Variants in KLHL3 observed in about 807,000 individuals in gnomAD.
KLHL3 encodes the protein kelch-like protein 3.
In KLHL3, 19 loss-of-function variants were observed where a neutral mutation model predicts 70.5. That is an observed-to-expected ratio of 0.27 (90% CI 0.19 to 0.40). KLHL3 has a LOEUF of 0.40. Ranked by LOEUF, KLHL3 falls within the 10% of genes least tolerant of loss-of-function variation. The pLI, the probability that KLHL3 is intolerant of heterozygous loss-of-function variation, is 1.00. For synonymous variants in KLHL3, 258 were observed against 290.3 expected (o/e 0.89, Z 1.13); for missense variants, 512 against 771.1 (o/e 0.66, Z 3.98).
chr5:137,677,523 T>C, intron 6 of KLHL3, 22 bp downstream of exon 6: 1 of 1,425,094 alleles, frequency 7.0e-7, no homozygotes. Flanking sequence ...GGTTCCCGTT[T>C]CCCCAGTGAG....
chr5:137,707,438 A>C (rs982423883), intron 3 of KLHL3: 2 of 152,254 alleles, frequency 1.3e-5, no homozygotes, highest in Non-Finnish European at 2.9e-5. Context: ...GTCTCAAAAA[A>C]AAAAGACTAT....
chr5:137,638,916 C>T (rs1443137773), intron 10 of KLHL3, 37 bp downstream of exon 10: 3 of 1,591,564 alleles, frequency 1.9e-6, no homozygotes, highest in Admixed American at 1.7e-5. Flanking sequence ...GGATGTGTCC[C>T]AGGCTAGGAG....
chr5:137,697,875 C>A (rs1752481926), intron 4 of KLHL3, among the ~76,000 whole-genome samples: 1 of 152,206 alleles, frequency 6.6e-6, no homozygotes, highest in South Asian at 2.1e-4. Context: ...TCATTTTATG[C>A]CAAATTACTT....
intron 8 of KLHL3, among the ~76,000 whole-genome samples, chr5:137,655,571 G>T (rs1331149395): frequency 1.3e-5 from 2 of 151,944 alleles, no homozygotes; most frequent in East Asian, 3.8e-4. Context: ...TAAAAACTGG[G>T]GCTTTTTTGG....
intron 5 of KLHL3, among the ~76,000 whole-genome samples, chr5:137,686,926 T>C (rs1580761023): frequency 1.2e-4 from 1 of 8,022 alleles, no homozygotes; most frequent in African/African-American, 5.5e-4. Context: ...TACTGGGAAG[T>C]GAGGAGCCCC....
At chr5:137,693,810 T>G (rs921539758) in intron 4 of KLHL3, among the ~76,000 whole-genome samples, 1 of 152,004 alleles carries the variant, frequency 6.6e-6, no homozygotes, top group African/African-American at 2.4e-5. Flanking sequence ...CAGGAAGATA[T>G]GGGCTGCAGA....
At chr5:137,701,472 C>G (rs1752565715) in intron 3 of KLHL3, among the ~76,000 whole-genome samples, 1 of 152,182 alleles carries the variant, frequency 6.6e-6, no homozygotes, top group Non-Finnish European at 1.5e-5. Flanking sequence ...CTCACCCTAA[C>G]TAATAACCTT....
chr5:137,698,333 T>C lies in KLHL3; in HGVS notation c.317A>G (p.Asp106Gly). ...CTCGATTTCAGCAGTATAGATGTAG[T>C]CAATCAGCTTACTCAGCGTCTGCCC... Reference protein sequence around the residue: ...VDGQTLSKLIDYIYTAEIEVT... With the variant: ...VDGQTLSKLIGYIYTAEIEVT... The change falls in exon 4 of 15, where the codon GAC becomes GGC. Residue 106 changes from aspartate (D) to glycine (G), a missense_variant. Coordinates refer to ENST00000309755, the MANE Select transcript of KLHL3 (RefSeq NM_017415.3). The C allele has an allele frequency of 6.2e-7, 1 of 1,614,212 alleles. No homozygotes were observed. The highest frequency in any genetic ancestry group is 8.5e-7 in the Non-Finnish European group (1 of 1,180,000).
At chr5:137,720,930 T>C in intron 1 of KLHL3, 1 of 1,043,528 alleles carries the variant, frequency 9.6e-7, no homozygotes, top group Non-Finnish European at 1.2e-6. Flanking sequence ...AAGCATTTAC[T>C]GGAGGCTACT....
chr5:137,671,237 T>G (rs1383634175), intron 6 of KLHL3, among the ~76,000 whole-genome samples: 1 of 152,150 alleles, frequency 6.6e-6, no homozygotes, highest in East Asian at 1.9e-4. Flanking sequence ...AGTCCTACTA[T>G]TCCTCCAACC....
chr5:137,640,713 G>A (rs1370039154), intron 8 of KLHL3, among the ~76,000 whole-genome samples: 1 of 140,918 alleles, frequency 7.1e-6, no homozygotes, highest in Non-Finnish European at 1.6e-5. Flanking sequence ...AAGTCTACCT[G>A]ACAGAGGGTG....
intron 3 of KLHL3, among the ~76,000 whole-genome samples, chr5:137,703,874 C>CA (rs34155675): frequency 0.2 from 26,303 of 134,628 alleles, 2,934 homozygotes; most frequent in East Asian, 0.59. Flanking sequence ...ATAGTGACTA[C>CA]AAAAAAAAAA....
intron 5 of KLHL3, among the ~76,000 whole-genome samples, chr5:137,691,229 T>C (rs962711992): frequency 1.3e-5 from 2 of 152,106 alleles, no homozygotes; most frequent in Non-Finnish European, 2.9e-5. Flanking sequence ...AAAAAGACAA[T>C]TATTAACTGC....
rs912478017 is a variant in KLHL3, at chr5:137,688,926, G to T, written c.526+3359C>A. ...AACTCAATCACTATAACAGCAACAG[G>T]ACCAAGGAGCACCAGAAAGATGGAT... On this transcript the variant is annotated intron_variant, in intron 5 of 14. Transcript: ENST00000309755. 6.6e-5 allele frequency among the ~76,000 whole-genome samples: 10 copies of T among 152,266 alleles called. No individual in the cohort carries two copies. In the South Asian group the frequency reaches 2.1e-3, roughly 32 times the overall value.
At position 137,620,866 on chromosome 5, in the gene KLHL3, A is replaced by T. The variant is rs992666679; in HGVS notation, c.*1232T>A. The stretch of plus-strand genomic sequence containing the variant: ...TTGGGGAGAGGGTGCACACCCTGGA[A>T]TAGGGGGAAAGCACAAGAAAAAGAA... On this transcript the variant is annotated 3_prime_UTR_variant, in exon 15 of 15. Coordinates refer to ENST00000309755, the MANE Select transcript of KLHL3 (RefSeq NM_017415.3). 3.9e-5 allele frequency: 6 copies of T among 152,242 alleles called. No individual in the cohort carries two copies. The highest frequency in any genetic ancestry group is 1.4e-4 in the African/African-American group (6 of 41,456). The allele number at this position is 152,242 out of a possible 1,614,324, so 9.4% of individuals were successfully genotyped here. A position where few individuals can be genotyped will look rare whatever the true frequency, so the allele number is the denominator to read the frequency against.
At chr5:137,714,105 C>T (rs920955740) in intron 2 of KLHL3, among the ~76,000 whole-genome samples, 1 of 147,214 alleles carries the variant, frequency 6.8e-6, no homozygotes. Context: ...ACATCATTAA[C>T]AATCAGAGAA....
At chr5:137,703,225 C>CTAA (rs1752607619) in intron 3 of KLHL3, among the ~76,000 whole-genome samples, 2 of 152,152 alleles carry the variant, frequency 1.3e-5, no homozygotes, top group African/African-American at 4.8e-5. Flanking sequence ...CTTCTTGCTC[C>CTAA]TAACTTGAAT....
chr5:137,695,670 T>C (rs1752429919), intron 4 of KLHL3, among the ~76,000 whole-genome samples: 1 of 152,148 alleles, frequency 6.6e-6, no homozygotes, highest in Non-Finnish European at 1.5e-5. Flanking sequence ...GAAATGACTG[T>C]CTTCAGTTCC....
chr5:137,640,031 G>T, intron 8 of KLHL3, 54 bp from the exon 9 acceptor site: 1 of 1,429,664 alleles, frequency 7.0e-7, no homozygotes, highest in Non-Finnish European at 9.9e-7. Context: ...TGGATTTATG[G>T]TATCCCTGGT....
Sources: gnomAD v4.1 joint callset for allele counts (sites outside exome capture counted in the v4.1 genomes callset) on GRCh38, gnomAD v4.1.1 for gene constraint, MANE v1.5 for transcripts, NCBI Gene and HGNC (gene_info 2026-07-23, HGNC 2026-07-21) for gene names.